Variants in NOL10 observed in about 807,000 individuals in gnomAD.
NOL10 encodes the protein H_NH0074G24.1.
In NOL10, 58 loss-of-function variants were observed where a neutral mutation model predicts 103.5. The ratio of observed to expected loss-of-function variants is 0.56; its 90% confidence interval spans 0.45 to 0.70. NOL10 has a LOEUF of 0.70. NOL10 is among the 30% of genes least tolerant of loss of function. NOL10 has a pLI of 0.00. For synonymous variants in NOL10, 287 were observed against 282.5 expected (o/e 1.02, Z -0.16); for missense variants, 763 against 807.3 (o/e 0.95, Z 0.67).
intron 13 of NOL10, among the ~76,000 whole-genome samples, chr2:10,638,314 T>C (rs930228718): frequency 2.1e-4 from 29 of 134,948 alleles, no homozygotes; most frequent in Non-Finnish European, 2.7e-4. Flanking sequence ...TGACGTGACG[T>C]GACGTGACGT....
At chr2:10,678,100 GCA>G (rs1681455919) in intron 3 of NOL10, among the ~76,000 whole-genome samples, 1 of 151,992 alleles carries the variant, frequency 6.6e-6, no homozygotes, top group African/African-American at 2.4e-5. Context: ...CCAGGTTGGA[GCA>G]CAGTGGTGCA....
chr2:10,615,564 G>T (rs1040817754), intron 13 of NOL10, among the ~76,000 whole-genome samples: 1 of 152,196 alleles, frequency 6.6e-6, no homozygotes, highest in African/African-American at 2.4e-5. Context: ...TACCCCCATC[G>T]CTGTCAAGCC....
chr2:10,605,744 T>C (rs12692418), intron 14 of NOL10, among the ~76,000 whole-genome samples: 89,945 of 151,988 alleles, frequency 0.59, 27,628 homozygotes, highest in African/African-American at 0.74. Context: ...ATTATGAAAA[T>C]TACGTTGGAG....
At chr2:10,669,513 TACAC>T (rs112846253) in intron 6 of NOL10, among the ~76,000 whole-genome samples, 62,872 of 132,598 alleles carry the variant, frequency 0.47, 14,230 homozygotes, top group African/African-American at 0.57. Flanking sequence ...CACACATATA[TACAC>T]ACACACACAC....
At position 10,596,268 on chromosome 2, in the gene NOL10, G is replaced by GGGGGGGGGGGGGGA. The variant is rs1553298216; in HGVS notation, c.1422+4584_1422+4585insTCCCCCCCCCCCCC. On this transcript the variant is annotated intron_variant, in intron 17 of 20. Coordinates refer to ENST00000381685, the MANE Select transcript of NOL10 (RefSeq NM_024894.4). ...CCACAGATGGTGGTGGGGGGCGGGG[G>GGGGGGGGGGGGGGA]GCGGGCGCGAGGGAGTTTTGGGATG... 7.4e-5 allele frequency among the ~76,000 whole-genome samples: 6 copies of GGGGGGGGGGGGGGA among 81,430 alleles called. 2 individuals carry two copies. Among genetic ancestry groups the GGGGGGGGGGGGGGA allele is most frequent in the South Asian group, 4.1e-4 (1 of 2,412 alleles). The allele number at this position is 81,430 out of a possible 152,430, so 53.4% of individuals were successfully genotyped here.
At position 10,589,076 on chromosome 2, in the gene NOL10, A is replaced by T; in HGVS notation, c.1811T>A (p.Phe604Tyr). ...EIKAGEEFRS[F>Y]KDSATKQKLM... ...TTTCTGCTTTGTGGCAGAATCTTTG[A>T]AGCTTCTAAATTCTTCTCCTGCTTT... Residue 604 changes from phenylalanine (F) to tyrosine (Y), a missense_variant, in exon 19 of 21, where the codon TTC becomes TAC. By Grantham distance (22) the Phe-to-Tyr change is conservative (BLOSUM62 3). Coordinates refer to ENST00000381685, the MANE Select transcript of NOL10 (RefSeq NM_024894.4). 1 of 1,613,988 alleles carries T rather than the reference A, an allele frequency of 6.2e-7. No individual in the cohort carries two copies. Among genetic ancestry groups the T allele is most frequent in the East Asian group, 2.2e-5 (1 of 44,890 alleles).
intron 12 of NOL10, among the ~76,000 whole-genome samples, chr2:10,653,054 GGCGTGGT>G (rs1455158233): frequency 1.3e-5 from 2 of 152,110 alleles, no homozygotes; most frequent in African/African-American, 2.4e-5. Flanking sequence ...AAATCAGCCA[GGCGTGGT>G]GGTGCGTGCC....
chr2:10,574,637 ACT>A (rs1674358448), intron 20 of NOL10, among the ~76,000 whole-genome samples: 2 of 125,278 alleles, frequency 1.6e-5, no homozygotes, highest in African/African-American at 3.4e-5. Flanking sequence ...ATAGAGCGAG[ACT>A]CTGTCTCAAA....
At chr2:10,620,531 A>G (rs187857599) in intron 13 of NOL10, among the ~76,000 whole-genome samples, 63 of 152,328 alleles carry the variant, frequency 4.1e-4, no homozygotes, top group Non-Finnish European at 8.7e-4. Context: ...AAGATTTCCC[A>G]TATGTTCCCC....
At chr2:10,575,225 G>C (rs1674393288) in intron 20 of NOL10, among the ~76,000 whole-genome samples, 1 of 152,200 alleles carries the variant, frequency 6.6e-6, no homozygotes, top group Non-Finnish European at 1.5e-5. Context: ...CTGAATCCCA[G>C]TTTTGCCACT....
At chr2:10,637,199 A>AC (rs1678305397) in intron 13 of NOL10, among the ~76,000 whole-genome samples, 1 of 150,300 alleles carries the variant, frequency 6.7e-6, no homozygotes, top group Admixed American at 6.6e-5. Flanking sequence ...AAAAAAAAAA[A>AC]AAAAAAAAAA....
At chr2:10,588,875 C>T (rs1675252527) in intron 19 of NOL10, among the ~76,000 whole-genome samples, 168 bp downstream of exon 19, 1 of 152,194 alleles carries the variant, frequency 6.6e-6, no homozygotes, top group Admixed American at 6.5e-5. Flanking sequence ...GGGTGCTTCC[C>T]TCACATCACC....
chr2:10,664,545 G>A (rs956860622), intron 8 of NOL10, among the ~76,000 whole-genome samples: 1 of 152,206 alleles, frequency 6.6e-6, no homozygotes, highest in Non-Finnish European at 1.5e-5. Flanking sequence ...ATGAGGGGTC[G>A]TTGTTTGTGT....
At chr2:10,672,715 G>A (rs768605947) in intron 5 of NOL10, among the ~76,000 whole-genome samples, 2 of 152,084 alleles carry the variant, frequency 1.3e-5, no homozygotes, top group Admixed American at 6.6e-5. Context: ...AAGATGGGTC[G>A]GGGGCAGTTG....
intron 20 of NOL10, among the ~76,000 whole-genome samples, chr2:10,573,887 C>T (rs564330514): frequency 4.8e-4 from 73 of 152,280 alleles, no homozygotes; most frequent in Admixed American, 9.2e-4. Flanking sequence ...ATGGCCACCA[C>T]GGAGCTGCCT....
intron 13 of NOL10, among the ~76,000 whole-genome samples, chr2:10,617,406 C>A (rs73167845): frequency 2.6e-5 from 4 of 152,098 alleles, no homozygotes; most frequent in African/African-American, 9.7e-5. Flanking sequence ...GCTGACAGTT[C>A]GGCAACGAGC....
At chr2:10,675,006 C>T (rs1681206473) in intron 4 of NOL10, among the ~76,000 whole-genome samples, 1 of 152,088 alleles carries the variant, frequency 6.6e-6, no homozygotes, top group Admixed American at 6.6e-5. Flanking sequence ...AGCTTGAGAC[C>T]AGCCTGGGCA....
intron 17 of NOL10, among the ~76,000 whole-genome samples, chr2:10,593,131 T>C (rs58015433): frequency 1.5e-5 from 1 of 64,682 alleles, no homozygotes; most frequent in Non-Finnish European, 4.1e-5. Context: ...ACAAATTAGT[T>C]TTTTTTTTTT....
chr2:10,618,256 G>A (rs1280425825), intron 13 of NOL10, among the ~76,000 whole-genome samples: 3 of 139,108 alleles, frequency 2.2e-5, no homozygotes, highest in Non-Finnish European at 4.7e-5. Flanking sequence ...AAAAAAAAAT[G>A]AATTAAGGAG....
Sources: allele counts gnomAD v4.1 joint callset (sites outside exome capture counted in the v4.1 genomes callset), GRCh38; gene constraint gnomAD v4.1.1; transcripts MANE v1.5; gene names NCBI Gene and HGNC (gene_info 2026-07-23, HGNC 2026-07-21).